ZNF385A: variants seen among roughly 807,000 people sequenced by gnomAD.
The protein encoded by ZNF385A is hematopoietic zinc finger protein.
In ZNF385A, 14 loss-of-function variants were observed where a neutral mutation model predicts 32.1. The observed-to-expected ratio is 0.44, with a 90% confidence interval of 0.29 to 0.68. The LOEUF (loss-of-function observed/expected upper bound fraction) is 0.68. Ranked by LOEUF, ZNF385A falls within the 30% of genes least tolerant of loss-of-function variation. ZNF385A has a pLI of 0.14. For missense variants in ZNF385A, 406 were observed against 478.4 expected (o/e 0.85, Z 1.41); for synonymous variants, 197 against 202.7 (o/e 0.97, Z 0.24).
intron 3 of ZNF385A, 113 bp from the exon 4 acceptor site, chr12:54,371,828 C>T (rs1954570600): frequency 6.8e-7 from 1 of 1,471,080 alleles, no homozygotes; most frequent in Non-Finnish European, 9.2e-7. Flanking sequence ...GAGTCCCCAC[C>T]CTGTTACAAC....
chr12:54,384,361 G>A (rs1366205922), intron 1 of ZNF385A, 67 bp downstream of exon 1: 1 of 1,489,754 alleles, frequency 6.7e-7, no homozygotes, highest in African/African-American at 1.4e-5. Context: ...GAAGAGGGCA[G>A]AGGTGGGTCT....
At chr12:54,379,233 G>A in intron 1 of ZNF385A, 1 of 981,656 alleles carries the variant, frequency 1.0e-6, no homozygotes, top group Non-Finnish European at 1.2e-6. Context: ...CGCTGGCCCG[G>A]GCCGGAGCCC....
chr12:54,370,063 T>G lies in ZNF385A; in HGVS notation c.*193A>C. On this transcript the variant is annotated 3_prime_UTR_variant, in exon 7 of 7. Transcript: ENST00000394313. The surrounding 1 kb of genome is among the most constrained non-coding windows in gnomAD (Gnocchi z 5.5). ...GCAGGGGGCGGGGTTCCCTGAGATC[T>G]GGGGTGTTCCCCCCCTTCTGAAGCC... 2.2e-6 allele frequency: 1 copy of G among 463,238 alleles called. No homozygotes were observed. Among genetic ancestry groups the G allele is most frequent in the Admixed American group, 3.9e-5 (1 of 25,846 alleles). 28.7% of individuals were successfully genotyped at this position (463,238 alleles called of 1,614,324 possible).
At chr12:54,371,379 G>A in intron 4 of ZNF385A, 94 bp downstream of exon 4, 5 of 1,494,584 alleles carry the variant, frequency 3.3e-6, no homozygotes, top group Non-Finnish European at 4.5e-6. Flanking sequence ...GGTCTTAGAT[G>A]GTCTAGGGAT....
At position 54,382,701 on chromosome 12, in the gene ZNF385A, G is replaced by T. The variant is rs2700158; in HGVS notation, c.87+1727C>A. Among the ~76,000 whole-genome samples, 724 of 152,226 alleles carry T rather than the reference G, an allele frequency of 4.8e-3. 5 individuals carry two copies. The highest frequency in any genetic ancestry group is 0.016 in the African/African-American group (684 of 41,510). On this transcript the variant is annotated intron_variant, in intron 1 of 6. Transcript: ENST00000394313. ...TTATGGCTAAATATGGTTTGATGTG[G>T]GTTATTTAAGTTGAATAAGGCTGAC...
At chr12:54,382,572 GAAT>G (rs904509610) in intron 1 of ZNF385A, among the ~76,000 whole-genome samples, 1 of 152,176 alleles carries the variant, frequency 6.6e-6, no homozygotes, top group African/African-American at 2.4e-5. Flanking sequence ...TTGTTAAATG[GAAT>G]AATAATGTCT....
chr12:54,375,292 C>A (rs1954784566), intron 2 of ZNF385A, among the ~76,000 whole-genome samples: 1 of 152,146 alleles, frequency 6.6e-6, no homozygotes. Flanking sequence ...TTTGGGGTAG[C>A]TTCTCCCCAG....
At chr12:54,385,554 C>A, upstream of ZNF385A, 1 of 851,594 alleles carries the variant, frequency 1.2e-6, no homozygotes. Context: ...ACAGGGGTTC[C>A]CAGGAACAAA....
intron 3 of ZNF385A, among the ~76,000 whole-genome samples, chr12:54,373,306 C>T (rs997099164): frequency 3.3e-5 from 5 of 151,972 alleles, no homozygotes; most frequent in Admixed American, 6.6e-5. Flanking sequence ...GATTGACATC[C>T]GATGTGGTAA....
intron 1 of ZNF385A, chr12:54,379,194 G>GC: frequency 1.0e-6 from 1 of 981,522 alleles, no homozygotes; most frequent in African/African-American, 1.8e-5. Flanking sequence ...GGGCTGTGCG[G>GC]CCCGGCCGGC....
In ZNF385A at chr12:54,370,267, A is replaced by G; in HGVS notation, c.1090T>C (p.Ser364Pro). Residue 364 changes from serine (S) to proline (P), a missense_variant, in exon 7 of 7, where the codon TCC (serine) becomes CCC (proline). Transcript: ENST00000394313. This position sits in a 1 kb window ranked among gnomAD's most constrained non-coding sequence, Gnocchi z 5.5. Reference protein sequence around the residue: ...IRTAHGPILFSPY With the variant: ...IRTAHGPILFPPY ...GTTCAGGGTTGAGGTCAGTACGGGG[A>G]GAAGAGGATGGGTCCGTGCGCAGTT... 1 of 1,461,526 alleles carries G rather than the reference A, an allele frequency of 6.8e-7. No individual in the cohort carries two copies. Among genetic ancestry groups the G allele is most frequent in the Admixed American group, 2.8e-5 (1 of 35,526 alleles). 90.5% of individuals were successfully genotyped at this position (1,461,526 alleles called of 1,614,324 possible). A position where few individuals can be genotyped will look rare whatever the true frequency, so the allele number is the denominator to read the frequency against.
chr12:54,370,205 TG>T lies in ZNF385A; in HGVS notation c.*50del. 1 of 1,358,328 alleles carries T rather than the reference TG, an allele frequency of 7.4e-7. No homozygotes were observed. Among genetic ancestry groups the T allele is most frequent in the Non-Finnish European group, 9.7e-7 (1 of 1,035,818 alleles). The allele number at this position is 1,358,328 out of a possible 1,614,324, so 84.1% of individuals were successfully genotyped here. On this transcript the variant is annotated 3_prime_UTR_variant, in exon 7 of 7. Transcript: ENST00000394313. This position sits in a 1 kb window ranked among gnomAD's most constrained non-coding sequence, Gnocchi z 5.5. ...GGGGCGGGCTGGGAGCCCGGACGCC[TG>T]GGTCCCGGCTGGAGGTGGGGAGTTG... is the stretch of plus-strand genomic sequence containing the variant.
chr12:54,382,844 A>T (rs544805753), intron 1 of ZNF385A, among the ~76,000 whole-genome samples: 39 of 150,096 alleles, frequency 2.6e-4, no homozygotes, highest in East Asian at 9.7e-4. Flanking sequence ...TTTTTTTTTA[A>T]AAAAAATATT....
chr12:54,374,189 T>A, intron 2 of ZNF385A, 54 bp from the exon 3 acceptor site: 10 of 1,368,804 alleles, frequency 7.3e-6, no homozygotes, highest in Non-Finnish European at 9.6e-6. Context: ...ATCTGACCGA[T>A]CTCCCCACAG....
At chr12:54,380,630 A>G (rs1445124569) in intron 1 of ZNF385A, among the ~76,000 whole-genome samples, 2 of 152,068 alleles carry the variant, frequency 1.3e-5, no homozygotes, top group Non-Finnish European at 2.9e-5. Context: ...TGGCTTTTCC[A>G]TTCCTTTTGC....
At chr12:54,384,747 G>T, upstream of ZNF385A, 4 of 1,298,456 alleles carry the variant, frequency 3.1e-6, no homozygotes, top group Non-Finnish European at 3.9e-6. Context: ...CTGTGGGCCT[G>T]GGGGAGGGTG....
At position 54,370,543 on chromosome 12, in the gene ZNF385A, CCT is replaced by C; in HGVS notation, c.871-59_871-58del. ...TCACCCGGCGGTCCTGCAAACCCCACCTCTCCCTGGGCAAAGCCCGCGTCCCT... is the reference window on the plus strand; with the variant it reads ...TCACCCGGCGGTCCTGCAAACCCCACCTCCCTGGGCAAAGCCCGCGTCCCT... On this transcript the variant is annotated intron_variant, in intron 6 of 6. Transcript: ENST00000394313. This position sits in a 1 kb window ranked among gnomAD's most constrained non-coding sequence, Gnocchi z 5.5. 1 of 1,550,932 alleles carries C rather than the reference CCT, an allele frequency of 6.4e-7. No homozygotes were observed. The highest frequency in any genetic ancestry group is 8.7e-7 in the Non-Finnish European group (1 of 1,146,632).
intron 4 of ZNF385A, 66 bp from the exon 5 acceptor site, chr12:54,371,162 G>T (rs1375132138): frequency 1.3e-6 from 2 of 1,502,850 alleles, no homozygotes; most frequent in East Asian, 2.3e-5. Flanking sequence ...CTGGGCCTCA[G>T]AATGCACATT....
intron 2 of ZNF385A, 59 bp downstream of exon 2, chr12:54,375,785 C>T (rs1227792898): frequency 2.7e-6 from 4 of 1,486,592 alleles, no homozygotes; most frequent in Non-Finnish European, 2.8e-6. Flanking sequence ...TGCCCTCCCT[C>T]AAGTTCCCCT....
Sources: gnomAD v4.1 joint callset for allele counts (sites outside exome capture counted in the v4.1 genomes callset) on GRCh38, gnomAD v4.1.1 for gene constraint, Gnocchi (gnomAD v3.1) non-coding constraint, MANE v1.5 for transcripts, NCBI Gene and HGNC (gene_info 2026-07-23, HGNC 2026-07-21) for gene names.